PCDH11X: variants seen among roughly 807,000 people sequenced by gnomAD.
The protein encoded by PCDH11X is protocadherin-11 X-linked.
PCDH11X carries 18 observed loss-of-function variants against 53.3 expected under a neutral mutation model. The observed-to-expected ratio is 0.34, with a 90% CI of 0.23 to 0.50. PCDH11X has a LOEUF of 0.50. Ranked by LOEUF, PCDH11X falls within the 20% of genes least tolerant of loss-of-function variation. The probability of loss-of-function intolerance (pLI) is 0.98; values close to 1 mark genes in which losing one functional copy is unlikely to be tolerated. For synonymous variants in PCDH11X, 279 were observed against 393.3 expected, an observed-to-expected ratio of 0.71 and a Z score of 3.44; for missense variants, 570 against 1,032.4, an observed-to-expected ratio of 0.55 and a Z score of 6.14.
intron 9 of PCDH11X, among the ~76,000 whole-genome samples, chrX:92,467,539 A>G (rs1287165932): frequency 9.0e-6 from 1 of 111,327 alleles, no homozygotes; most frequent in Non-Finnish European, 1.9e-5. Context: ...CCAGATCAAT[A>G]CATATTTGGC....
chrX:91,886,461 T>A (rs757080066), intron 6 of PCDH11X, among the ~76,000 whole-genome samples: 58 of 110,887 alleles, frequency 5.2e-4, no homozygotes, highest in Non-Finnish European at 1.0e-3. Context: ...GTGCATAAAT[T>A]AAACAAAAAA....
chrX:91,901,771 T>G (rs888660540), intron 6 of PCDH11X, among the ~76,000 whole-genome samples: 1 of 111,948 alleles, frequency 8.9e-6, no homozygotes, highest in Admixed American at 9.5e-5. Flanking sequence ...AAATTTAATT[T>G]AATTTTTATT....
intron 10 of PCDH11X, among the ~76,000 whole-genome samples, chrX:92,606,252 A>AAAAAAG (rs1926805589): frequency 9.4e-6 from 1 of 106,844 alleles, no homozygotes; most frequent in African/African-American, 3.4e-5. Context: ...AAAAAAAAAA[A>AAAAAAG]AAAAAGACGC....
intron 1 of PCDH11X, among the ~76,000 whole-genome samples, chrX:91,805,809 G>C (rs750091752): frequency 2.1e-4 from 23 of 108,867 alleles, no homozygotes; most frequent in African/African-American, 7.1e-4. Context: ...CTGGGTGGCA[G>C]AGTGAGAGCC....
At chrX:91,906,120 A>C (rs963111092) in intron 6 of PCDH11X, among the ~76,000 whole-genome samples, 1 of 111,531 alleles carries the variant, frequency 9.0e-6, no homozygotes, top group African/African-American at 3.3e-5. Flanking sequence ...TATATTCAAA[A>C]TTGTGATAAA....
intron 10 of PCDH11X, among the ~76,000 whole-genome samples, chrX:92,511,120 C>T (rs2074153872): frequency 8.9e-6 from 1 of 111,793 alleles, no homozygotes; most frequent in Non-Finnish European, 1.9e-5. Context: ...CATTCATATG[C>T]AATCTCACTG....
At chrX:92,221,381 G>T (rs1293773111) in intron 7 of PCDH11X, among the ~76,000 whole-genome samples, 2 of 106,577 alleles carry the variant, frequency 1.9e-5, no homozygotes, top group African/African-American at 6.8e-5. Flanking sequence ...CCGAGGCAAA[G>T]TTGGCTATCA....
At chrX:92,330,383 A>G (rs1278594706) in intron 8 of PCDH11X, among the ~76,000 whole-genome samples, 1 of 111,158 alleles carries the variant, frequency 9.0e-6, no homozygotes, top group Non-Finnish European at 1.9e-5. Context: ...AATGCAAAAT[A>G]AAATAACATT....
At chrX:92,565,682 A>G (rs1921385922) in intron 10 of PCDH11X, among the ~76,000 whole-genome samples, 1 of 107,027 alleles carries the variant, frequency 9.3e-6, no homozygotes, top group African/African-American at 3.4e-5. Context: ...GGTTAAGAGA[A>G]ACCAAAAACA....
chrX:92,462,026 T>C (rs1361483111), intron 9 of PCDH11X, among the ~76,000 whole-genome samples: 2 of 112,308 alleles, frequency 1.8e-5, no homozygotes, highest in African/African-American at 6.5e-5. Flanking sequence ...GTTTTCTTTA[T>C]AGTACAGCAA....
intron 7 of PCDH11X, among the ~76,000 whole-genome samples, chrX:92,229,292 G>A (rs148099849): frequency 0.026 from 2,855 of 110,993 alleles, 50 homozygotes; most frequent in Middle Eastern, 0.056. Flanking sequence ...CATTTAAGGG[G>A]GTAGGAGTAT....
intron 6 of PCDH11X, among the ~76,000 whole-genome samples, chrX:91,991,585 CT>C (rs1190657424): frequency 0.036 from 2,930 of 80,807 alleles, 121 homozygotes; most frequent in African/African-American, 0.1. Flanking sequence ...CTATTTAATT[CT>C]TTTTTTTTTT....
chrX:92,091,905 G>T (rs1602886013), intron 6 of PCDH11X, among the ~76,000 whole-genome samples: 1 of 111,625 alleles, frequency 9.0e-6, no homozygotes. Flanking sequence ...GGAAAGGAAG[G>T]AAGGAAGACA....
At chrX:92,380,464 T>C (rs961136090) in intron 8 of PCDH11X, among the ~76,000 whole-genome samples, 31 of 112,187 alleles carry the variant, frequency 2.8e-4, no homozygotes, top group Non-Finnish European at 5.6e-4. Flanking sequence ...TTCTGTCTGG[T>C]GAAGCAACAC....
chrX:92,373,355 A>T (rs1196803767), intron 8 of PCDH11X, among the ~76,000 whole-genome samples: 1 of 111,269 alleles, frequency 9.0e-6, no homozygotes, highest in East Asian at 2.8e-4. Flanking sequence ...CAAAGTTTGT[A>T]CAAATTTCCC....
At chrX:92,103,333 C>G (rs1334330360) in intron 6 of PCDH11X, among the ~76,000 whole-genome samples, 3 of 110,718 alleles carry the variant, frequency 2.7e-5, no homozygotes, top group Non-Finnish European at 5.7e-5. Flanking sequence ...GCTGTCAATA[C>G]CCACAACAGT....
rs182952323 is a variant in PCDH11X at position 92,311,078 on chromosome X, C to T, written c.3144+47935C>T. Among the ~76,000 whole-genome samples, 599 of 111,236 alleles carry T rather than the reference C, an allele frequency of 5.4e-3. 8 individuals carry two copies. Among genetic ancestry groups the T allele is most frequent in the African/African-American group, 0.019 (573 of 30,630 alleles). The stretch of plus-strand genomic sequence containing the variant: ...TATCTAATTTCTATTAGATGAGAAA[C>T]GGATGGAGAATAACTTTGATATATA... On this transcript the variant is annotated intron_variant, in intron 8 of 10. Transcript: ENST00000682573.
At chrX:92,447,528 TGG>T (rs952729948) in intron 9 of PCDH11X, among the ~76,000 whole-genome samples, 1 of 111,338 alleles carries the variant, frequency 9.0e-6, no homozygotes, top group Non-Finnish European at 1.9e-5. Context: ...TGTGGGTGCA[TGG>T]AAGTCAAGAA....
chrX:92,194,674 T>G (rs2066262119), intron 6 of PCDH11X, among the ~76,000 whole-genome samples: 1 of 110,040 alleles, frequency 9.1e-6, no homozygotes, highest in Non-Finnish European at 1.9e-5. Context: ...ATTATGTTTT[T>G]TTTTTTTTTC....
Sources: allele counts gnomAD v4.1 joint callset (sites outside exome capture counted in the v4.1 genomes callset), GRCh38; gene constraint gnomAD v4.1.1; transcripts MANE v1.5; gene names NCBI Gene and HGNC (gene_info 2026-07-23, HGNC 2026-07-21).